Variants in HOMER2 observed in about 807,000 individuals in gnomAD.
HOMER2 encodes the protein homer scaffold protein 2.
HOMER2 carries 27 observed loss-of-function variants against 47.0 expected under a neutral mutation model. The observed-to-expected ratio is 0.57, with a 90% CI of 0.42 to 0.79. The LOEUF is 0.79. HOMER2 is among the 30% of genes least tolerant of loss of function. HOMER2 has a pLI of 0.00. For synonymous variants in HOMER2, 161 were observed against 163.8 expected, an observed-to-expected ratio of 0.98 and a Z score of 0.13; for missense variants, 443 against 435.0, an observed-to-expected ratio of 1.02 and a Z score of -0.16.
chr15:82,975,527 C>A (rs1036409148), intron 1 of HOMER2, among the ~76,000 whole-genome samples: 3 of 151,926 alleles, frequency 2.0e-5, no homozygotes, highest in African/African-American at 7.3e-5. Flanking sequence ...ACTATTCAGC[C>A]GTAAAAAAAG....
intron 1 of HOMER2, among the ~76,000 whole-genome samples, chr15:82,894,459 CAGG>C (rs1476989573): frequency 2.6e-5 from 4 of 151,916 alleles, no homozygotes; most frequent in Non-Finnish European, 5.9e-5. Context: ...ATCACGAGGT[CAGG>C]AGATCGAGAC....
intron 1 of HOMER2, among the ~76,000 whole-genome samples, chr15:82,915,996 A>G (rs1408904939): frequency 6.6e-6 from 1 of 152,200 alleles, no homozygotes; most frequent in East Asian, 1.9e-4. Flanking sequence ...GATTGATTCT[A>G]TACTTCACTG....
At chr15:82,870,888 AAT>A (rs1353170753) in intron 3 of HOMER2, among the ~76,000 whole-genome samples, 1 of 152,264 alleles carries the variant, frequency 6.6e-6, no homozygotes, top group Admixed American at 6.5e-5. Flanking sequence ...TTAAGGGCAG[AAT>A]ATGTTTCCTT....
chr15:82,919,061 C>T (rs2053662729), intron 1 of HOMER2, among the ~76,000 whole-genome samples: 1 of 152,142 alleles, frequency 6.6e-6, no homozygotes, highest in African/African-American at 2.4e-5. Context: ...CAGAGCAGGG[C>T]CTGGGCCACA....
chr15:82,952,758 C>A (rs1333349661), upstream of HOMER2: 3 of 852,180 alleles, frequency 3.5e-6, no homozygotes, highest in African/African-American at 5.6e-5. Context: ...TGGGGCGGTG[C>A]CCGCCCCGCC....
chr15:82,928,959 A>AAAAAAAAAAAAAAAAAAAAAAC (rs1173356706), intron 1 of HOMER2, among the ~76,000 whole-genome samples: 4 of 149,066 alleles, frequency 2.7e-5, no homozygotes, highest in Admixed American at 6.7e-5. Context: ...AAAAAAAAAA[A>AAAAAAAAAAAAAAAAAAAAAAC]AGCTGTCATG....
intron 3 of HOMER2, among the ~76,000 whole-genome samples, chr15:82,871,894 C>T (rs2052186451): frequency 6.6e-6 from 1 of 152,196 alleles, no homozygotes; most frequent in South Asian, 2.1e-4. Context: ...TCCCCCCTTT[C>T]TACCTAGCTG....
At chr15:82,932,862 T>C (rs1163278161) in intron 1 of HOMER2, among the ~76,000 whole-genome samples, 1 of 152,126 alleles carries the variant, frequency 6.6e-6, no homozygotes, top group Non-Finnish European at 1.5e-5. Flanking sequence ...ACCCCAACTG[T>C]GAGAGGTGCT....
intron 4 of HOMER2, 179 bp from the exon 5 acceptor site, chr15:82,859,314 T>G: frequency 1.2e-6 from 1 of 820,978 alleles, no homozygotes; most frequent in Non-Finnish European, 1.9e-6. Context: ...GTTTTTTTTT[T>G]AAACAAACAA....
downstream of HOMER2, chr15:82,844,462 A>G (rs1367772902): frequency 6.6e-6 from 1 of 152,226 alleles, no homozygotes; most frequent in Non-Finnish European, 1.5e-5. Context: ...TCTATTCACA[A>G]TATAGCATTA....
intron 1 of HOMER2, among the ~76,000 whole-genome samples, chr15:82,893,715 C>T (rs2052805132): frequency 6.6e-6 from 1 of 151,096 alleles, no homozygotes; most frequent in South Asian, 2.1e-4. Context: ...GCCTGGATCT[C>T]TGAGGCTCAA....
At chr15:82,851,320 G>T in intron 7 of HOMER2, 89 bp from the exon 8 acceptor site, 2 of 857,372 alleles carry the variant, frequency 2.3e-6, no homozygotes, top group Non-Finnish European at 3.8e-6. Context: ...GCTCGTGGAA[G>T]CAGCTTTGGG....
chr15:82,859,270 C>A lies in HOMER2; in HGVS notation c.388-135G>T. ...TACGAGTGTGGACGAACCAACTCAT[C>A]CAACCAGAATGCAGCAAAGACTAAC... On this transcript the variant is annotated intron_variant, in intron 4 of 8. Coordinates refer to ENST00000450735, the MANE Select transcript of HOMER2 (RefSeq NM_004839.4). 3 of 1,249,566 alleles carry A rather than the reference C, an allele frequency of 2.4e-6. No individual in the cohort carries two copies. The South Asian group carries it at 4.3e-5, about 18-fold the overall frequency. 77.4% of individuals were successfully genotyped at this position (1,249,566 alleles called of 1,614,324 possible). A position where few individuals can be genotyped will look rare whatever the true frequency, so the allele number is the denominator to read the frequency against.
At chr15:82,938,876 T>C (rs1198457666) in intron 1 of HOMER2, among the ~76,000 whole-genome samples, 1 of 152,158 alleles carries the variant, frequency 6.6e-6, no homozygotes, top group Non-Finnish European at 1.5e-5. Flanking sequence ...TTCAGCCTCC[T>C]CTCCCCTGGC....
intron 1 of HOMER2, among the ~76,000 whole-genome samples, chr15:82,967,206 G>A (rs1567078155): frequency 6.6e-6 from 1 of 151,996 alleles, no homozygotes; most frequent in Non-Finnish European, 1.5e-5. Context: ...AGCTATGACT[G>A]CCCCACTCCA....
rs759905465 is a variant in HOMER2 at position 82,854,788 on chromosome 15, C to CA, written c.506dup (p.Lys170GlufsTer40). On this transcript the variant is annotated frameshift_variant, in exon 6 of 9. Transcript: ENST00000450735. LOFTEE classifies it high-confidence loss of function. ...TCTGCAGCTCGATCTCCCACTTCTT[C>CA]ACGTTGGCTGCGCTGCAGGACAGGG... 1 of 1,609,566 alleles carries CA rather than the reference C, an allele frequency of 6.2e-7. No homozygotes were observed. The highest frequency in any genetic ancestry group is 8.5e-7 in the Non-Finnish European group (1 of 1,179,554).
intron 1 of HOMER2, among the ~76,000 whole-genome samples, chr15:82,936,318 G>A (rs1452983383): frequency 6.6e-6 from 1 of 152,204 alleles, no homozygotes; most frequent in Non-Finnish European, 1.5e-5. Flanking sequence ...ACAACCTGCA[G>A]TTATTTTATT....
At position 82,948,499 on chromosome 15, in the gene HOMER2, G is replaced by A. The variant is rs113681984; in HGVS notation, c.5+4032C>T. 5.8e-3 allele frequency among the ~76,000 whole-genome samples: 889 copies of A among 152,230 alleles called. 7 individuals carry two copies. The highest frequency in any genetic ancestry group is 0.01 in the Non-Finnish European group (702 of 68,022). ...AATCGCTTGAACCTGGGAGGCAGAG[G>A]TTGCAGTGAGCAGAGACCGTGCCAC... On this transcript the variant is annotated intron_variant, in intron 1 of 8. Coordinates refer to ENST00000450735, the MANE Select transcript of HOMER2 (RefSeq NM_004839.4).
At chr15:82,969,831 T>C (rs1350183717) in intron 1 of HOMER2, among the ~76,000 whole-genome samples, 1 of 152,128 alleles carries the variant, frequency 6.6e-6, no homozygotes, top group Non-Finnish European at 1.5e-5. Flanking sequence ...AATTACTGGA[T>C]AGTAAAAATA....
Sources: gnomAD v4.1 joint callset for allele counts (sites outside exome capture counted in the v4.1 genomes callset) on GRCh38, gnomAD v4.1.1 for gene constraint, MANE v1.5 for transcripts, NCBI Gene and HGNC (gene_info 2026-07-23, HGNC 2026-07-21) for gene names.